SSBP3: variants seen among roughly 807,000 people sequenced by gnomAD.
SSBP3 encodes the protein single stranded DNA binding protein 3.
Under a neutral mutation model 69.6 loss-of-function variants are expected in SSBP3, and 5 were observed. That is an observed-to-expected ratio of 0.07 (90% CI 0.04 to 0.15). The LOEUF is 0.15. Ranked by LOEUF, SSBP3 falls within the 10% of genes least tolerant of loss-of-function variation. The pLI is 1.00. For synonymous variants in SSBP3, 196 were observed against 193.4 expected (o/e 1.01, Z -0.11); for missense variants, 312 against 534.0 (o/e 0.58, Z 4.10).
chr1:54,400,791 A>G (rs780581669), intron 4 of SSBP3, among the ~76,000 whole-genome samples: 1 of 152,188 alleles, frequency 6.6e-6, no homozygotes, highest in African/African-American at 2.4e-5. Flanking sequence ...GGATTTGACC[A>G]CTTGTGAAAT....
At chr1:54,251,922 GCATC>G in intron 7 of SSBP3, 62 bp from the exon 8 acceptor site, 30 of 1,417,022 alleles carry the variant, frequency 2.1e-5, no homozygotes, top group Non-Finnish European at 2.9e-5. Flanking sequence ...ATGGGGACAG[GCATC>G]TACCTGTCCC....
intron 5 of SSBP3, among the ~76,000 whole-genome samples, chr1:54,271,633 C>A (rs957838994): frequency 6.6e-6 from 1 of 152,328 alleles, no homozygotes; most frequent in African/African-American, 2.4e-5. Context: ...GGGTGCCCTC[C>A]CAACCCCATG....
exon 18 of SSBP3, chr1:54,226,959 G>A (rs1222696634): frequency 1.3e-5 from 8 of 635,518 alleles, no homozygotes; most frequent in Non-Finnish European, 2.0e-5. Flanking sequence ...TTTATTGCAT[G>A]AAACTAAAAT....
intron 7 of SSBP3, 55 bp downstream of exon 7, chr1:54,257,072 C>T (rs1322569306): frequency 2.0e-5 from 31 of 1,550,864 alleles, no homozygotes; most frequent in Non-Finnish European, 2.6e-5. Context: ...TCAAAGTCCA[C>T]CTAGGGCCAA....
chr1:54,330,822 G>A (rs149854553), intron 4 of SSBP3, among the ~76,000 whole-genome samples: 293 of 152,248 alleles, frequency 1.9e-3, no homozygotes, highest in African/African-American at 6.7e-3. Context: ...TTAACAGATC[G>A]CCAACGCAGG....
intron 4 of SSBP3, among the ~76,000 whole-genome samples, chr1:54,392,187 G>A (rs567786618): frequency 8.5e-5 from 13 of 152,174 alleles, no homozygotes; most frequent in Non-Finnish European, 1.5e-4. Flanking sequence ...CCAAGTGCCC[G>A]CCAGGCACCA....
chr1:54,373,419 T>C (rs551175226), intron 4 of SSBP3, among the ~76,000 whole-genome samples: 1 of 152,280 alleles, frequency 6.6e-6, no homozygotes, highest in Non-Finnish European at 1.5e-5. Flanking sequence ...TCTGGGCCTC[T>C]GGGGCTGCCC....
At chr1:54,312,338 C>T (rs1355931828) in intron 4 of SSBP3, among the ~76,000 whole-genome samples, 4 of 151,762 alleles carry the variant, frequency 2.6e-5, no homozygotes, top group African/African-American at 4.8e-5. Context: ...ACCTGTAATC[C>T]CAGCACTTTG....
intron 5 of SSBP3, among the ~76,000 whole-genome samples, chr1:54,279,081 G>A (rs778086941): frequency 1.8e-4 from 28 of 152,184 alleles, no homozygotes; most frequent in Non-Finnish European, 3.8e-4. Context: ...GCATCTGACT[G>A]ATGGGGAAAT....
At chr1:54,288,330 G>C (rs1366600208) in intron 4 of SSBP3, among the ~76,000 whole-genome samples, 1 of 152,168 alleles carries the variant, frequency 6.6e-6, no homozygotes, top group African/African-American at 2.4e-5. Flanking sequence ...CAAGGCAGCT[G>C]ATGTCCTGCT....
At chr1:54,294,429 AT>A (rs76917261) in intron 4 of SSBP3, among the ~76,000 whole-genome samples, 2 of 64,114 alleles carry the variant, frequency 3.1e-5, no homozygotes, top group East Asian at 3.1e-3. Context: ...TCCATTGGTC[AT>A]TAAAAATGGA....
At chr1:54,396,261 T>C (rs1021970615) in intron 4 of SSBP3, among the ~76,000 whole-genome samples, 1 of 148,546 alleles carries the variant, frequency 6.7e-6, no homozygotes, top group African/African-American at 2.5e-5. Context: ...ACAGTCATGA[T>C]TGTCTATTTG....
At chr1:54,347,345 G>C in intron 4 of SSBP3, among the ~76,000 whole-genome samples, 1 of 150,646 alleles carries the variant, frequency 6.6e-6, no homozygotes, top group East Asian at 1.9e-4. Context: ...TAGTTGTTAG[G>C]CTGTTTTTTA....
chr1:54,373,014 T>C (rs923152522), intron 4 of SSBP3, among the ~76,000 whole-genome samples: 3 of 152,216 alleles, frequency 2.0e-5, no homozygotes, highest in Admixed American at 6.5e-5. Context: ...AATTTCCCCA[T>C]GGCTGGGAAT....
chr1:54,261,740 C>G (rs1645020729), intron 5 of SSBP3, among the ~76,000 whole-genome samples: 1 of 152,318 alleles, frequency 6.6e-6, no homozygotes, highest in South Asian at 2.1e-4. Context: ...GTTCCAGAGG[C>G]TGCCTAATTA....
At chr1:54,369,108 A>G (rs575605454) in intron 4 of SSBP3, among the ~76,000 whole-genome samples, 2 of 152,316 alleles carry the variant, frequency 1.3e-5, no homozygotes, top group African/African-American at 4.8e-5. Flanking sequence ...CTAAAACGAA[A>G]AAAAGTAAGT....
chr1:54,352,138 A>AAAC (rs1046199199), intron 4 of SSBP3, among the ~76,000 whole-genome samples: 3 of 152,070 alleles, frequency 2.0e-5, no homozygotes, highest in South Asian at 2.1e-4. Flanking sequence ...TCTACAAAAC[A>AAAC]AACAACAACA....
chr1:54,286,286 AAAC>A (rs1248400088), intron 4 of SSBP3: 1 of 152,236 alleles, frequency 6.6e-6, no homozygotes, highest in Non-Finnish European at 1.5e-5. Context: ...GCACTTTAAA[AAAC>A]AACAACAAAA....
chr1:54,292,279 G>A (rs1223896849), intron 4 of SSBP3, among the ~76,000 whole-genome samples: 2 of 152,158 alleles, frequency 1.3e-5, no homozygotes, highest in East Asian at 1.9e-4. Context: ...CCCCTCTACC[G>A]AATTCTTCAG....
Sources: allele counts gnomAD v4.1 joint callset (sites outside exome capture counted in the v4.1 genomes callset), GRCh38; gene constraint gnomAD v4.1.1; transcripts MANE v1.5; gene names NCBI Gene and HGNC (gene_info 2026-07-23, HGNC 2026-07-21).